Variants in HS3ST2 observed in about 807,000 individuals in gnomAD.
The protein encoded by HS3ST2 is heparan sulfate-glucosamine 3-sulfotransferase 2.
A neutral mutation model predicts 26.3 loss-of-function variants in HS3ST2; 17 were observed. The observed-to-expected ratio is 0.65, with a 90% confidence interval of 0.44 to 0.97. The LOEUF (loss-of-function observed/expected upper bound fraction) is 0.97, where lower values mean the gene tolerates loss of function less well. Among genes scored for constraint, HS3ST2 ranks in the 50% least tolerant of loss-of-function variants. The pLI, the probability that HS3ST2 is intolerant of heterozygous loss-of-function variation, is 0.00. For synonymous variants in HS3ST2, 237 were observed against 219.2 expected, an observed-to-expected ratio of 1.08 and a Z score of -0.72; for missense variants, 402 against 501.2, an observed-to-expected ratio of 0.80 and a Z score of 1.89.
rs115588215 is a variant in HS3ST2, at chr16:22,840,754, G to A, written c.485+25659G>A. 6.2e-3 allele frequency among the ~76,000 whole-genome samples: 947 copies of A among 152,258 alleles called. 13 individuals carry two copies. Among genetic ancestry groups the A allele is most frequent in the African/African-American group, 0.022 (899 of 41,556 alleles). The stretch of plus-strand genomic sequence containing the variant: ...CATGACCATCCTCATACTATTAGGA[G>A]AAATGTCAGTGGTTCTGGAGTAGGT... On this transcript the variant is annotated intron_variant, in intron 1 of 1. Transcript: ENST00000261374.
intron 1 of HS3ST2, among the ~76,000 whole-genome samples, chr16:22,856,237 A>G (rs1226346503): frequency 4.6e-5 from 7 of 152,186 alleles, no homozygotes; most frequent in Admixed American, 3.9e-4. Context: ...CATCATAGAC[A>G]CTATAGATTT....
At chr16:22,845,704 G>T (rs1019120073) in intron 1 of HS3ST2, among the ~76,000 whole-genome samples, 1 of 152,118 alleles carries the variant, frequency 6.6e-6, no homozygotes, top group East Asian at 1.9e-4. Flanking sequence ...ATGTTAGGTC[G>T]GGCTACTTTG....
chr16:22,820,158 T>C (rs1900968001), intron 1 of HS3ST2, among the ~76,000 whole-genome samples: 1 of 152,046 alleles, frequency 6.6e-6, no homozygotes, highest in African/African-American at 2.4e-5. Context: ...ATGAAACCAT[T>C]GAGTCCATAA....
intron 1 of HS3ST2, among the ~76,000 whole-genome samples, chr16:22,913,422 A>G (rs977037425): frequency 3.9e-5 from 6 of 152,246 alleles, no homozygotes; most frequent in Middle Eastern, 3.4e-3. Context: ...GAGAGGTTAC[A>G]TAGCCTGACT....
In HS3ST2 at chr16:22,894,226, A is replaced by T; in HGVS notation, c.486-20718A>T. Among the ~76,000 whole-genome samples, 2 of 152,120 alleles carry T rather than the reference A, an allele frequency of 1.3e-5. 1 individual carries two copies. Among genetic ancestry groups the T allele is most frequent in the Non-Finnish European group, 2.9e-5 (2 of 68,024 alleles). ...CCGCTTGTCAGGTGGGAGTAGCTAC[A>T]CTGCCTGCCAGCGTTCTAGCTTGGT... On this transcript the variant is annotated intron_variant, in intron 1 of 1. Coordinates refer to ENST00000261374, the MANE Select transcript of HS3ST2 (RefSeq NM_006043.2).
At chr16:22,877,395 C>T (rs1901935673) in intron 1 of HS3ST2, among the ~76,000 whole-genome samples, 1 of 152,194 alleles carries the variant, frequency 6.6e-6, no homozygotes, top group African/African-American at 2.4e-5. Context: ...CCTAAATTTG[C>T]CAACTAGTTG....
chr16:22,817,905 G>A (rs916355133), intron 1 of HS3ST2, among the ~76,000 whole-genome samples: 8 of 152,170 alleles, frequency 5.3e-5, no homozygotes, highest in African/African-American at 1.7e-4. Flanking sequence ...TCTTTCTGTG[G>A]GTAAATGGAG....
chr16:22,892,664 A>G (rs1034505752), intron 1 of HS3ST2, among the ~76,000 whole-genome samples: 2 of 152,188 alleles, frequency 1.3e-5, no homozygotes, highest in South Asian at 2.1e-4. Context: ...TTTTGCAAAT[A>G]TCTTAATACT....
rs1902488646 is a variant in HS3ST2, at chr16:22,915,858, G to A, written c.*296G>A. The A allele has an allele frequency of 2.5e-6, 1 of 402,110 alleles. No individual in the cohort carries two copies. Among genetic ancestry groups the A allele is most frequent in the Non-Finnish European group, 4.4e-6 (1 of 225,164 alleles). The allele number at this position is 402,110 out of a possible 1,614,324, so 24.9% of individuals were successfully genotyped here. A position where few individuals can be genotyped will look rare whatever the true frequency, so the allele number is the denominator to read the frequency against. On this transcript the variant is annotated 3_prime_UTR_variant, in exon 2 of 2. Coordinates refer to ENST00000261374, the MANE Select transcript of HS3ST2 (RefSeq NM_006043.2). ...GCCTTGGAGAATTGCTTTAAGAAGA[G>A]TGAATGTTCCAATGATGATAGATAT...
chr16:22,858,351 A>T (rs1266884368), intron 1 of HS3ST2, among the ~76,000 whole-genome samples: 1 of 150,994 alleles, frequency 6.6e-6, no homozygotes. Flanking sequence ...TTTTTAAAAA[A>T]TTTTAAAGAA....
intron 1 of HS3ST2, among the ~76,000 whole-genome samples, chr16:22,864,536 C>T (rs958920100): frequency 2.0e-5 from 3 of 152,260 alleles, no homozygotes; most frequent in East Asian, 3.9e-4. Flanking sequence ...ATCAAGAGGG[C>T]TGGGTTATTC....
At chr16:22,865,236 A>G (rs1297726078) in intron 1 of HS3ST2, among the ~76,000 whole-genome samples, 1 of 152,118 alleles carries the variant, frequency 6.6e-6, no homozygotes, top group Non-Finnish European at 1.5e-5. Flanking sequence ...CAACCATTGG[A>G]GTATTTGTAA....
intron 1 of HS3ST2, among the ~76,000 whole-genome samples, chr16:22,842,537 C>T (rs1901373437): frequency 1.3e-5 from 2 of 152,160 alleles, no homozygotes; most frequent in Admixed American, 6.5e-5. Context: ...TCTCCCCACC[C>T]GCCCCAGCCT....
Position 22,874,544 on chromosome 16 carries a change from G to C in HS3ST2, c.486-40400G>C, listed in dbSNP as rs1284479911. On this transcript the variant is annotated intron_variant, in intron 1 of 1. Coordinates refer to ENST00000261374, the MANE Select transcript of HS3ST2 (RefSeq NM_006043.2). Reference sequence around the variant, plus strand: ...GTGTGTCCTGGCTTGACCATAGGCAGTGAGCCCATATGGCTGTGAGTCTGT... The same window carrying C: ...GTGTGTCCTGGCTTGACCATAGGCACTGAGCCCATATGGCTGTGAGTCTGT... 1.3e-5 allele frequency among the ~76,000 whole-genome samples: 2 copies of C among 152,240 alleles called. 1 individual carries two copies. The highest frequency in any genetic ancestry group is 6.3e-3 in the Middle Eastern group (2 of 316).
chr16:22,837,281 A>G (rs970187543), intron 1 of HS3ST2, among the ~76,000 whole-genome samples: 1 of 151,784 alleles, frequency 6.6e-6, no homozygotes, highest in African/African-American at 2.4e-5. Context: ...GATAATAATC[A>G]TACTGGGATG....
In HS3ST2 at chr16:22,858,633, G is replaced by A. The variant is rs117582190; in HGVS notation, c.485+43538G>A. On this transcript the variant is annotated intron_variant, in intron 1 of 1. Coordinates refer to ENST00000261374, the MANE Select transcript of HS3ST2 (RefSeq NM_006043.2). ...AGTAGTCATTTTTATAAGGATGTGA[G>A]AGTAGAAAAAGACAAACTTGCAGCT... 2.6e-3 allele frequency among the ~76,000 whole-genome samples: 400 copies of A among 152,146 alleles called. 7 individuals are homozygous for A. In the East Asian group the frequency reaches 0.036, roughly 14 times the overall value.
rs1188299375 is a variant in HS3ST2 at position 22,814,607 on chromosome 16, A to T, written c.-4A>T. 5.2e-6 allele frequency: 8 copies of T among 1,528,332 alleles called. No individual in the cohort carries two copies. In the Admixed American group the frequency reaches 1.7e-4, roughly 32 times the overall value. The allele number at this position is 1,528,332 out of a possible 1,614,324, so 94.7% of individuals were successfully genotyped here. ...CATGACCCCCGGCGCGGGCCCATGG[A>T]GCCATGGCCTATAGGGTCCTGGGCC... On this transcript the variant is annotated 5_prime_UTR_variant, in exon 1 of 2. Transcript: ENST00000261374.
chr16:22,888,384 T>TTTC lies in HS3ST2; in HGVS notation c.486-26558_486-26557insCTT, dbSNP rs1555514092. On this transcript the variant is annotated intron_variant, in intron 1 of 1. Transcript: ENST00000261374. ...TGTCTCTGGCTTTTCTTTTTTTTTT[T>TTTC]TTTTTTTTCTTTTTTTTTTTGAGAC... is the stretch of plus-strand genomic sequence containing the variant. 1.5e-4 allele frequency among the ~76,000 whole-genome samples: 20 copies of TTTC among 133,802 alleles called. No individual in the cohort carries two copies. The East Asian group carries it at 2.8e-3, about 19-fold the overall frequency. 87.8% of individuals were successfully genotyped at this position (133,802 alleles called of 152,430 possible). A position where few individuals can be genotyped will look rare whatever the true frequency, so the allele number is the denominator to read the frequency against.
chr16:22,850,940 T>C (rs1901510894), intron 1 of HS3ST2, among the ~76,000 whole-genome samples: 1 of 152,218 alleles, frequency 6.6e-6, no homozygotes, highest in Admixed American at 6.5e-5. Flanking sequence ...ATGACTTACC[T>C]GCATGGCTGG....
Sources: allele counts gnomAD v4.1 joint callset (sites outside exome capture counted in the v4.1 genomes callset), GRCh38; gene constraint gnomAD v4.1.1; transcripts MANE v1.5; gene names NCBI Gene and HGNC (gene_info 2026-07-23, HGNC 2026-07-21).